MARCHF11: variants seen among roughly 807,000 people sequenced by gnomAD.
MARCHF11 encodes the protein membrane associated ring-CH-type finger 11.
In MARCHF11, 29 loss-of-function variants were observed where a neutral mutation model predicts 37.3. That is an observed-to-expected ratio of 0.78 (90% CI 0.58 to 1.06). MARCHF11 has a LOEUF of 1.06. MARCHF11 is among the 50% of genes least tolerant of loss of function. The pLI, the probability that MARCHF11 is intolerant of heterozygous loss-of-function variation, is 0.00. For missense variants in MARCHF11, 482 were observed against 533.4 expected, an observed-to-expected ratio of 0.90 and a Z score of 0.95; for synonymous variants, 233 against 228.0, an observed-to-expected ratio of 1.02 and a Z score of -0.20.
chr5:16,080,678 C>T (rs772182705), intron 3 of MARCHF11, among the ~76,000 whole-genome samples: 9 of 152,162 alleles, frequency 5.9e-5, no homozygotes, highest in Non-Finnish European at 1.3e-4. Flanking sequence ...GCGCCCCCAC[C>T]CCTTCCATCC....
chr5:16,067,753 A>T lies in MARCHF11; in HGVS notation c.927T>A (p.Phe309Leu). ...VHEGAAVYRVFKRWRAVNLHW... is the reference protein window; with the variant it reads ...VHEGAAVYRVLKRWRAVNLHW... ...GCAAATTCACAGCTCGCCAGCGCTT[A>T]AACACTCTGTAAACTGCAGCTCCTT... Residue 309 changes from phenylalanine (F) to leucine (L), a missense_variant, in exon 4 of 4, where the codon TTT becomes TTA. Phe to Leu is a conservative substitution (Grantham distance 22). Transcript: ENST00000332432. 6.2e-7 allele frequency: 1 copy of T among 1,613,806 alleles called. No homozygotes were observed. Among genetic ancestry groups the T allele is most frequent in the Non-Finnish European group, 8.5e-7 (1 of 1,179,820 alleles).
intron 2 of MARCHF11, among the ~76,000 whole-genome samples, chr5:16,146,797 T>C (rs561856026): frequency 1.3e-5 from 2 of 152,278 alleles, no homozygotes; most frequent in East Asian, 3.9e-4. Context: ...GCAGGCCAGC[T>C]AGTGCAGAAG....
At chr5:16,069,967 T>C (rs773011939) in intron 3 of MARCHF11, among the ~76,000 whole-genome samples, 1 of 152,136 alleles carries the variant, frequency 6.6e-6, no homozygotes, top group African/African-American at 2.4e-5. Context: ...AATATATTAA[T>C]ATAGGCTACA....
chr5:16,158,861 G>A (rs1049171431), intron 2 of MARCHF11, among the ~76,000 whole-genome samples: 2 of 151,654 alleles, frequency 1.3e-5, no homozygotes, highest in African/African-American at 2.4e-5. Flanking sequence ...TCTTCTTCCC[G>A]CACCCCTCGA....
rs1419253000 is a variant in MARCHF11 at position 16,125,639 on chromosome 5, G to C, written c.694-34558C>G. On this transcript the variant is annotated intron_variant, in intron 2 of 3. Coordinates refer to ENST00000332432, the MANE Select transcript of MARCHF11 (RefSeq NM_001102562.3). ...ACTCTCTGTGTGTGTGTGTGTGTGT[G>C]TGTGTGTGTGTGTGTGTGTGTGTGT... Among the ~76,000 whole-genome samples, 420 of 141,370 alleles carry C rather than the reference G, an allele frequency of 3.0e-3. 1 individual carries two copies. The highest frequency in any genetic ancestry group is 0.012 in the African/African-American group (381 of 32,258). The allele number at this position is 141,370 out of a possible 152,430, so 92.7% of individuals were successfully genotyped here.
At chr5:16,078,909 T>G (rs1487128485) in intron 3 of MARCHF11, among the ~76,000 whole-genome samples, 2 of 152,132 alleles carry the variant, frequency 1.3e-5, no homozygotes, top group Admixed American at 6.5e-5. Context: ...CTGAGCCTCA[T>G]GTGTTTGGAA....
chr5:16,146,047 A>G (rs1737790448), intron 2 of MARCHF11, among the ~76,000 whole-genome samples: 1 of 152,172 alleles, frequency 6.6e-6, no homozygotes, highest in African/African-American at 2.4e-5. Context: ...TGATTTAGGG[A>G]ACACCTTAAA....
intron 3 of MARCHF11, among the ~76,000 whole-genome samples, chr5:16,085,939 C>CAAAAAAAAAAAAAAAAAAAAAAAAAAAA (rs56782867): frequency 4.9e-5 from 2 of 40,952 alleles, no homozygotes; most frequent in Admixed American, 3.5e-4. Context: ...GACTCCATCT[C>CAAAAAAAAAAAAAAAAAAAAAAAAAAAA]AAAAAAAAAA....
intron 2 of MARCHF11, among the ~76,000 whole-genome samples, chr5:16,103,152 A>C (rs1275131488): frequency 6.6e-6 from 1 of 152,000 alleles, no homozygotes; most frequent in African/African-American, 2.4e-5. Flanking sequence ...TAAAAATCAC[A>C]ATACAGCTTG....
intron 2 of MARCHF11, among the ~76,000 whole-genome samples, chr5:16,162,980 T>C (rs1418272369): frequency 6.6e-6 from 1 of 152,064 alleles, no homozygotes; most frequent in Non-Finnish European, 1.5e-5. Context: ...GTGGCTGAGC[T>C]GAAATCTGGA....
At chr5:16,167,157 CGTGTGTGTGTGTGT>C (rs3031646) in intron 2 of MARCHF11, among the ~76,000 whole-genome samples, 2 of 149,248 alleles carry the variant, frequency 1.3e-5, no homozygotes, top group African/African-American at 4.9e-5. Context: ...TGTATACACA[CGTGTGTGTGTGTGT>C]GTGTGTGTGT....
intron 2 of MARCHF11, among the ~76,000 whole-genome samples, chr5:16,139,069 G>A (rs182805467): frequency 1.5e-3 from 225 of 152,270 alleles, no homozygotes; most frequent in Admixed American, 2.4e-3. Context: ...GGAATGAATG[G>A]TTTTGAAACA....
intron 2 of MARCHF11, among the ~76,000 whole-genome samples, chr5:16,125,755 A>G (rs927549925): frequency 6.6e-6 from 1 of 152,050 alleles, no homozygotes; most frequent in Admixed American, 6.6e-5. Context: ...GAGGAAATCC[A>G]ACTACATTTG....
intron 2 of MARCHF11, among the ~76,000 whole-genome samples, chr5:16,093,198 G>A (rs558814313): frequency 3.3e-5 from 5 of 152,158 alleles, no homozygotes; most frequent in South Asian, 2.1e-4. Flanking sequence ...TGTGTATGCC[G>A]GAACTGGAGG....
intron 2 of MARCHF11, among the ~76,000 whole-genome samples, chr5:16,147,520 A>G (rs909520245): frequency 6.6e-6 from 1 of 152,150 alleles, no homozygotes; most frequent in African/African-American, 2.4e-5. Flanking sequence ...CACTTGTAAG[A>G]TAATAGTAGG....
chr5:16,076,752 A>G (rs1197840460), intron 3 of MARCHF11, among the ~76,000 whole-genome samples: 2 of 152,164 alleles, frequency 1.3e-5, no homozygotes, highest in Non-Finnish European at 2.9e-5. Flanking sequence ...AGGGGCCTGC[A>G]CCTAGGAAGT....
intron 2 of MARCHF11, among the ~76,000 whole-genome samples, chr5:16,103,798 A>T (rs1439109935): frequency 1.3e-5 from 2 of 152,114 alleles, no homozygotes; most frequent in African/African-American, 4.8e-5. Context: ...AATTACTGAA[A>T]CCACCAGGCC....
At chr5:16,068,490 TG>T (rs1189655623) in intron 3 of MARCHF11, among the ~76,000 whole-genome samples, 1 of 152,206 alleles carries the variant, frequency 6.6e-6, no homozygotes, top group African/African-American at 2.4e-5. Context: ...CTAGTAGCGG[TG>T]GAGAGCAGGG....
At chr5:16,088,503 T>A (rs996087029) in intron 3 of MARCHF11, among the ~76,000 whole-genome samples, 3 of 152,208 alleles carry the variant, frequency 2.0e-5, no homozygotes, top group African/African-American at 7.2e-5. Flanking sequence ...TAAGGAACAA[T>A]CAATATAATC....
Sources: allele counts gnomAD v4.1 joint callset (sites outside exome capture counted in the v4.1 genomes callset), GRCh38; gene constraint gnomAD v4.1.1; transcripts MANE v1.5; gene names NCBI Gene and HGNC (gene_info 2026-07-23, HGNC 2026-07-21).